The following KIAA0586 variants were observed in gnomAD, a reference collection of about 807,000 sequenced individuals.
KIAA0586 encodes the protein protein TALPID3.
KIAA0586 carries 144 observed loss-of-function variants against 169.8 expected under a neutral mutation model. The ratio of observed to expected loss-of-function variants is 0.85; its 90% CI spans 0.74 to 0.97. The LOEUF is 0.97. KIAA0586 is among the 50% of genes least tolerant of loss of function. KIAA0586 has a pLI of 0.00. For synonymous variants in KIAA0586, 625 were observed against 612.4 expected (o/e 1.02, Z -0.30); for missense variants, 1,854 against 1,823.0 (o/e 1.02, Z -0.31).
At chr14:58,450,961 T>C (rs1476537695) in intron 8 of KIAA0586, among the ~76,000 whole-genome samples, 2 of 151,336 alleles carry the variant, frequency 1.3e-5, no homozygotes, top group Non-Finnish European at 2.9e-5. Flanking sequence ...TACTTAAACC[T>C]TTAATGAACA....
chr14:58,443,322 A>T (rs1566792499), intron 5 of KIAA0586, among the ~76,000 whole-genome samples: 1 of 152,244 alleles, frequency 6.6e-6, no homozygotes, highest in Non-Finnish European at 1.5e-5. Context: ...TGCTGACCTA[A>T]CTCAGCCTTA....
At chr14:58,469,622 G>T (rs901812448) in intron 16 of KIAA0586, among the ~76,000 whole-genome samples, 2 of 152,094 alleles carry the variant, frequency 1.3e-5, no homozygotes, top group African/African-American at 4.8e-5. Context: ...GAATTAAAAG[G>T]CAAACAACAC....
At chr14:58,464,071 G>T in intron 14 of KIAA0586, 1 of 422,046 alleles carries the variant, frequency 2.4e-6, no homozygotes, top group South Asian at 1.8e-5. Context: ...TAGTCACATT[G>T]ATGATCTGGA....
At chr14:58,502,793 T>G (rs573662730) in intron 27 of KIAA0586, among the ~76,000 whole-genome samples, 1 of 152,300 alleles carries the variant, frequency 6.6e-6, no homozygotes, top group African/African-American at 2.4e-5. Flanking sequence ...GAAAACTAAT[T>G]TGTTCCTCTT....
chr14:58,532,217 A>G (rs1362425597), intron 29 of KIAA0586, among the ~76,000 whole-genome samples: 2 of 152,192 alleles, frequency 1.3e-5, no homozygotes, highest in Non-Finnish European at 2.9e-5. Context: ...GTATGCCTGA[A>G]CATGTATGTG....
chr14:58,439,822 G>T lies in KIAA0586; in HGVS notation c.411-2884G>T. The T allele has an allele frequency of 7.1e-6, 7 of 984,558 alleles. No homozygotes were observed. In the South Asian group the frequency reaches 3.3e-4, roughly 46 times the overall value. 61.0% of individuals were successfully genotyped at this position (984,558 alleles called of 1,614,324 possible). On this transcript the variant is annotated intron_variant, in intron 4 of 30. Coordinates refer to ENST00000652326, the MANE Select transcript of KIAA0586 (RefSeq NM_001329943.3). ...TGTGATGCCCTTAAAAGTCGACGGG[G>T]AAGTCCAGCAGCTGGAGATGGAATG...
chr14:58,491,930 A>G (rs2042858836), intron 25 of KIAA0586, among the ~76,000 whole-genome samples: 1 of 152,196 alleles, frequency 6.6e-6, no homozygotes, highest in Non-Finnish European at 1.5e-5. Flanking sequence ...GTTGTACCAA[A>G]TTATACTGTG....
intron 6 of KIAA0586, among the ~76,000 whole-genome samples, 183 bp from the exon 7 acceptor site, chr14:58,448,157 T>A (rs2039061655): frequency 6.6e-6 from 1 of 152,208 alleles, no homozygotes; most frequent in African/African-American, 2.4e-5. Context: ...TCTTTGTGCT[T>A]CTACATCTTT....
chr14:58,511,991 G>A (rs1015738220), intron 28 of KIAA0586, among the ~76,000 whole-genome samples: 1 of 152,178 alleles, frequency 6.6e-6, no homozygotes, highest in African/African-American at 2.4e-5. Context: ...TGTTATATGA[G>A]AGATGATAGT....
At chr14:58,540,175 GTT>G in intron 30 of KIAA0586, 39 bp downstream of exon 30, 1 of 1,199,202 alleles carries the variant, frequency 8.3e-7, no homozygotes, top group Non-Finnish European at 1.2e-6. Context: ...ACTTGGAGCT[GTT>G]CAGATTTTTT....
intron 14 of KIAA0586, among the ~76,000 whole-genome samples, chr14:58,463,692 C>G (rs2040505870): frequency 6.6e-6 from 1 of 152,038 alleles, no homozygotes. Flanking sequence ...GCAGGGCATG[C>G]CTGTAGTCCC....
intron 21 of KIAA0586, 94 bp downstream of exon 21, chr14:58,482,806 T>C (rs1176761034): frequency 2.2e-6 from 2 of 904,972 alleles, no homozygotes; most frequent in Admixed American, 2.9e-5. Flanking sequence ...GTAGAAGTAT[T>C]ATTATCATTT....
At chr14:58,468,566 G>A (rs2040955880) in intron 16 of KIAA0586, among the ~76,000 whole-genome samples, 1 of 152,204 alleles carries the variant, frequency 6.6e-6, no homozygotes, top group South Asian at 2.1e-4. Flanking sequence ...TATGTTAGAA[G>A]ACTTGAATGA....
intron 15 of KIAA0586, among the ~76,000 whole-genome samples, chr14:58,467,237 A>G (rs1220149032): frequency 6.6e-6 from 1 of 152,146 alleles, no homozygotes; most frequent in Non-Finnish European, 1.5e-5. Flanking sequence ...AATCCACCCT[A>G]TAAAGCACAT....
intron 27 of KIAA0586, 55 bp from the exon 28 acceptor site, chr14:58,508,500 T>C: frequency 7.3e-7 from 1 of 1,370,364 alleles, no homozygotes; most frequent in South Asian, 1.3e-5. Context: ...TTGTTCATTT[T>C]TGAAGATAAA....
chr14:58,542,942 C>A (rs569629104), intron 30 of KIAA0586, among the ~76,000 whole-genome samples: 8 of 151,000 alleles, frequency 5.3e-5, no homozygotes, highest in Non-Finnish European at 8.9e-5. Context: ...GAGATTGAGA[C>A]CATGGTGAAA....
intron 30 of KIAA0586, among the ~76,000 whole-genome samples, chr14:58,545,874 A>T (rs1032138931): frequency 6.6e-6 from 1 of 151,602 alleles, no homozygotes; most frequent in Non-Finnish European, 1.5e-5. Context: ...TCTACAAAAA[A>T]TTTTTAAAAA....
At chr14:58,437,800 T>A (rs1277592827) in intron 4 of KIAA0586, among the ~76,000 whole-genome samples, 1 of 150,884 alleles carries the variant, frequency 6.6e-6, no homozygotes, top group African/African-American at 2.4e-5. Flanking sequence ...AGTGGTAGTC[T>A]AAGTCTAAGC....
rs190271845 is a variant in KIAA0586 at position 58,488,812 on chromosome 14, T to C, written c.3719T>C (p.Leu1240Ser). 0.015 allele frequency: 24,151 copies of C among 1,613,894 alleles called. 224 individuals carry two copies. Among genetic ancestry groups the C allele is most frequent in the Middle Eastern group, 0.039 (236 of 6,062 alleles). Residue 1240 changes from leucine to serine, a missense_variant, in exon 24 of 31, where the codon TTA (leucine) becomes TCA (serine). By Grantham distance (145) the Leu-to-Ser change is moderately radical. Transcript: ENST00000652326. ...GTTACTGTCACTGAAACTGAAACTT[T>C]AGATAAACCCATCTCTGAAGGAGAG... ...LSVTVTETET[L>S]DKPISEGEIL...
Sources: gnomAD v4.1 joint callset for allele counts (sites outside exome capture counted in the v4.1 genomes callset) on GRCh38, gnomAD v4.1.1 for gene constraint, MANE v1.5 for transcripts, NCBI Gene and HGNC (gene_info 2026-07-23, HGNC 2026-07-21) for gene names.